KCNH8: variants seen among roughly 807,000 people sequenced by gnomAD.
KCNH8 encodes potassium voltage-gated channel subfamily H member 8.
Under a neutral mutation model 103.6 loss-of-function variants are expected in KCNH8, and 70 were observed. The observed-to-expected ratio is 0.68, with a 90% CI of 0.56 to 0.82. The LOEUF is 0.82. KCNH8 is among the 40% of genes least tolerant of loss of function. The probability of loss-of-function intolerance (pLI) is 0.00; values close to 1 mark genes in which losing one functional copy is unlikely to be tolerated. For synonymous variants in KCNH8, 498 were observed against 489.4 expected, an observed-to-expected ratio of 1.02 and a Z score of -0.23; for missense variants, 1,217 against 1,329.9, an observed-to-expected ratio of 0.92 and a Z score of 1.32.
chr3:19,357,373 C>G (rs2065893433), intron 5 of KCNH8, among the ~76,000 whole-genome samples: 1 of 151,742 alleles, frequency 6.6e-6, no homozygotes. Flanking sequence ...AAGCAGAAAG[C>G]TGAGACATTG....
intron 1 of KCNH8, among the ~76,000 whole-genome samples, chr3:19,232,865 T>C (rs1274355153): frequency 2.6e-5 from 4 of 152,230 alleles, no homozygotes; most frequent in Non-Finnish European, 4.4e-5. Context: ...CAGAGAATAC[T>C]ATTCATGCTG....
intron 4 of KCNH8, among the ~76,000 whole-genome samples, chr3:19,347,099 C>T (rs2065739216): frequency 6.6e-6 from 1 of 152,020 alleles, no homozygotes; most frequent in Non-Finnish European, 1.5e-5. Context: ...AATGTCTGGC[C>T]CATGTCAGAG....
intron 5 of KCNH8, among the ~76,000 whole-genome samples, chr3:19,368,198 TTG>T (rs1474347016): frequency 2.0e-5 from 3 of 152,048 alleles, no homozygotes; most frequent in Non-Finnish European, 4.4e-5. Context: ...ATTGAAGAAG[TTG>T]AAGACACTCT....
intron 14 of KCNH8, among the ~76,000 whole-genome samples, chr3:19,517,729 C>G (rs991430704): frequency 6.6e-6 from 1 of 151,940 alleles, no homozygotes; most frequent in Non-Finnish European, 1.5e-5. Context: ...GTGGTGGTGA[C>G]TGTACTCGGG....
Position 19,253,785 on chromosome 3 carries a change from T to G in KCNH8, c.208T>G (p.Leu70Val). 4.3e-6 allele frequency: 7 copies of G among 1,613,932 alleles called. No homozygotes were observed. The highest frequency in any genetic ancestry group is 5.9e-6 in the Non-Finnish European group (7 of 1,179,914). ...GCAGAAGAGTTGTAGCTGCAAGTTCTTATTTGGGGTTGAAACCAATGAGCA... is the reference window on the plus strand; with the variant it reads ...GCAGAAGAGTTGTAGCTGCAAGTTCGTATTTGGGGTTGAAACCAATGAGCA... ...VMQKSCSCKF[L>V]FGVETNEQLM... is the part of the protein sequence containing the mutation. Residue 70 changes from leucine to valine, a missense_variant, in exon 2 of 16, where the codon TTA (leucine) becomes GTA (valine). Leu to Val is a conservative substitution (Grantham distance 32). Coordinates refer to ENST00000328405, the MANE Select transcript of KCNH8 (RefSeq NM_144633.3).
chr3:19,367,379 A>ACT (rs145060744), intron 5 of KCNH8, among the ~76,000 whole-genome samples: 6 of 140,082 alleles, frequency 4.3e-5, no homozygotes, highest in African/African-American at 8.0e-5. Context: ...GTGTACCCCC[A>ACT]CTCTCTCTCT....
intron 3 of KCNH8, among the ~76,000 whole-genome samples, chr3:19,334,356 C>T (rs1267465890): frequency 6.6e-6 from 1 of 152,122 alleles, no homozygotes; most frequent in Non-Finnish European, 1.5e-5. Context: ...AGCAAAGCTT[C>T]AGGAGGTCGA....
At chr3:19,258,313 T>C (rs1394299651) in intron 2 of KCNH8, among the ~76,000 whole-genome samples, 6 of 151,994 alleles carry the variant, frequency 3.9e-5, no homozygotes, top group Non-Finnish European at 8.8e-5. Flanking sequence ...TCAAGGTCCT[T>C]GTTCTTAAGC....
chr3:19,362,622 G>T (rs2125110486), intron 5 of KCNH8, among the ~76,000 whole-genome samples: 1 of 152,202 alleles, frequency 6.6e-6, no homozygotes, highest in South Asian at 2.1e-4. Context: ...CATGTTCAAG[G>T]TCATCAAGCC....
In KCNH8 at chr3:19,395,189, G is replaced by A; in HGVS notation, c.1055G>A (p.Ser352Asn). Residue 352 changes from serine to asparagine, a missense_variant, in exon 7 of 16, where the codon AGT becomes AAT. Ser to Asn is a conservative substitution (Grantham distance 46). Transcript: ENST00000328405. ...AAGTTAGACCGCTATTCCCAACACA[G>A]TACTATCGTCCTGACTCTGCTCATG... ...LQKLDRYSQH[S>N]TIVLTLLMSM... 1.2e-6 allele frequency: 2 copies of A among 1,610,954 alleles called. No individual in the cohort carries two copies. The highest frequency in any genetic ancestry group is 8.5e-7 in the Non-Finnish European group (1 of 1,178,574).
chr3:19,159,437 G>A (rs191040890), intron 1 of KCNH8, among the ~76,000 whole-genome samples: 11 of 151,974 alleles, frequency 7.2e-5, no homozygotes, highest in African/African-American at 2.2e-4. Context: ...TTTGACTTTG[G>A]TAAGGAAACT....
At chr3:19,348,743 G>T (rs944938782) in intron 5 of KCNH8, among the ~76,000 whole-genome samples, 3 of 151,938 alleles carry the variant, frequency 2.0e-5, no homozygotes, top group Admixed American at 6.6e-5. Context: ...TGGTGATAGA[G>T]GGCTATATTC....
Position 19,301,964 on chromosome 3 carries a change from G to C in KCNH8, c.442+20635G>C, listed in dbSNP as rs555038340. Among the ~76,000 whole-genome samples the C allele has an allele frequency of 1.3e-4, 20 of 152,310 alleles. No individual in the cohort carries two copies. In the South Asian group the frequency reaches 4.1e-3, roughly 32 times the overall value. The stretch of plus-strand genomic sequence containing the variant: ...AAGGGTCCTGAGCACAGGAGCTTCT[G>C]TTACTGTGAACAAGGTGCACCAGAC... On this transcript the variant is annotated intron_variant, in intron 3 of 15. Coordinates refer to ENST00000328405, the MANE Select transcript of KCNH8 (RefSeq NM_144633.3).
chr3:19,151,271 G>C (rs2063126598), intron 1 of KCNH8, among the ~76,000 whole-genome samples: 1 of 151,888 alleles, frequency 6.6e-6, no homozygotes, highest in African/African-American at 2.4e-5. Context: ...TCTTTTGCAA[G>C]AGAAAACTAT....
chr3:19,377,140 G>T (rs2125121793), intron 5 of KCNH8, among the ~76,000 whole-genome samples: 1 of 152,306 alleles, frequency 6.6e-6, no homozygotes. Context: ...ATAGCAGGGA[G>T]GTTAACAGCT....
intron 5 of KCNH8, among the ~76,000 whole-genome samples, chr3:19,364,190 A>G (rs896983655): frequency 1.1e-4 from 16 of 152,084 alleles, no homozygotes; most frequent in South Asian, 4.2e-4. Flanking sequence ...TAAGGTGGCA[A>G]TGGAGGTCCG....
At chr3:19,284,577 G>C (rs1295717540) in intron 3 of KCNH8, among the ~76,000 whole-genome samples, 1 of 151,214 alleles carries the variant, frequency 6.6e-6, no homozygotes, top group Non-Finnish European at 1.5e-5. Context: ...GAGAAAGAGA[G>C]AGACAGCCTT....
At chr3:19,482,240 G>A (rs1238184986) in intron 11 of KCNH8, among the ~76,000 whole-genome samples, 1 of 152,178 alleles carries the variant, frequency 6.6e-6, no homozygotes, top group Non-Finnish European at 1.5e-5. Flanking sequence ...TTAGGTCAGG[G>A]GTCAGTCTTT....
chr3:19,196,028 A>G (rs2063598037), intron 1 of KCNH8, among the ~76,000 whole-genome samples: 1 of 151,988 alleles, frequency 6.6e-6, no homozygotes, highest in Non-Finnish European at 1.5e-5. Context: ...AAAAATTAAA[A>G]TAGCCCAAGT....
Sources: gnomAD v4.1 joint callset for allele counts (sites outside exome capture counted in the v4.1 genomes callset) on GRCh38, gnomAD v4.1.1 for gene constraint, MANE v1.5 for transcripts, NCBI Gene and HGNC (gene_info 2026-07-23, HGNC 2026-07-21) for gene names.